The following SEMA6D variants were observed in gnomAD, a reference collection of about 807,000 sequenced individuals.
SEMA6D encodes semaphorin-6D.
Under a neutral mutation model 106.6 loss-of-function variants are expected in SEMA6D, and 35 were observed. The ratio of observed to expected loss-of-function variants is 0.33; its 90% CI spans 0.25 to 0.44. The LOEUF is 0.44. SEMA6D is among the 20% of genes least tolerant of loss of function. SEMA6D has a pLI of 1.00. For synonymous variants in SEMA6D, 499 were observed against 487.7 expected (o/e 1.02, Z -0.31); for missense variants, 1,185 against 1,345.9 (o/e 0.88, Z 1.87).
At chr15:47,368,350 A>G (rs970049540) in intron 1 of SEMA6D, among the ~76,000 whole-genome samples, 1 of 152,232 alleles carries the variant, frequency 6.6e-6, no homozygotes, top group African/African-American at 2.4e-5. Flanking sequence ...TAGGCAACAA[A>G]GTAGGTTTTC....
intron 1 of SEMA6D, among the ~76,000 whole-genome samples, chr15:47,747,296 CA>C (rs1349892398): frequency 6.6e-6 from 1 of 152,114 alleles, no homozygotes; most frequent in Non-Finnish European, 1.5e-5. Context: ...GTTCTGATCA[CA>C]GGTCAGATGC....
At chr15:47,357,403 A>G (rs1235292760) in intron 1 of SEMA6D, among the ~76,000 whole-genome samples, 1 of 152,146 alleles carries the variant, frequency 6.6e-6, no homozygotes, top group African/African-American at 2.4e-5. Context: ...ACTCCAAAAC[A>G]AAACAAAACA....
chr15:47,768,553 A>G (rs537561914), intron 17 of SEMA6D, 28 bp from the exon 18 acceptor site: 2 of 1,567,188 alleles, frequency 1.3e-6, no homozygotes, highest in East Asian at 2.3e-5. Context: ...CACTATCCAT[A>G]TTAATAAAAA....
chr15:47,300,289 A>T (rs1441044912), intron 1 of SEMA6D, among the ~76,000 whole-genome samples: 3 of 152,168 alleles, frequency 2.0e-5, no homozygotes, highest in African/African-American at 7.2e-5. Flanking sequence ...CTGTAGTGCC[A>T]AGTGAACCTG....
intron 4 of SEMA6D, among the ~76,000 whole-genome samples, chr15:47,675,793 A>C (rs186269375): frequency 1.3e-5 from 2 of 152,168 alleles, no homozygotes; most frequent in African/African-American, 4.8e-5. Context: ...TTCTGGGCTT[A>C]TTTGCCCTCA....
At chr15:47,296,490 A>G (rs1464092435) in intron 1 of SEMA6D, among the ~76,000 whole-genome samples, 2 of 152,258 alleles carry the variant, frequency 1.3e-5, no homozygotes, top group Non-Finnish European at 2.9e-5. Context: ...ACCAGCTGAC[A>G]TTTATACATT....
intron 1 of SEMA6D, among the ~76,000 whole-genome samples, chr15:47,227,208 A>T (rs1385438107): frequency 6.6e-6 from 1 of 152,072 alleles, no homozygotes; most frequent in Non-Finnish European, 1.5e-5. Context: ...AATATCAAGG[A>T]AACAGCTACA....
chr15:47,641,495 C>T (rs138698961), intron 4 of SEMA6D, among the ~76,000 whole-genome samples: 26 of 152,198 alleles, frequency 1.7e-4, no homozygotes, highest in African/African-American at 6.0e-4. Context: ...TAGGGAAGTA[C>T]CTGGAGTGAA....
At chr15:47,536,625 C>T (rs1322826668) in intron 3 of SEMA6D, among the ~76,000 whole-genome samples, 1 of 152,164 alleles carries the variant, frequency 6.6e-6, no homozygotes, top group South Asian at 2.1e-4. Flanking sequence ...TTATTGGTCT[C>T]ATGTTGTCTT....
At chr15:47,308,919 T>A (rs2036334335) in intron 1 of SEMA6D, among the ~76,000 whole-genome samples, 1 of 152,218 alleles carries the variant, frequency 6.6e-6, no homozygotes, top group South Asian at 2.1e-4. Context: ...TGTCAGTTAT[T>A]GATTTGGCAT....
At chr15:47,223,049 G>T (rs1234306363) in intron 1 of SEMA6D, among the ~76,000 whole-genome samples, 2 of 152,130 alleles carry the variant, frequency 1.3e-5, no homozygotes, top group East Asian at 3.9e-4. Flanking sequence ...CTTACTGACT[G>T]GGCCATGATC....
At chr15:47,488,095 G>A (rs184125301) in intron 3 of SEMA6D, among the ~76,000 whole-genome samples, 13 of 152,144 alleles carry the variant, frequency 8.5e-5, no homozygotes, top group African/African-American at 2.9e-4. Context: ...CTGTTCATCT[G>A]TTTGTACATT....
At chr15:47,211,904 C>T (rs931378654) in intron 1 of SEMA6D, among the ~76,000 whole-genome samples, 2 of 151,702 alleles carry the variant, frequency 1.3e-5, no homozygotes, top group African/African-American at 4.8e-5. Context: ...TATTTCCAAC[C>T]ACCGTGACAT....
intron 1 of SEMA6D, among the ~76,000 whole-genome samples, chr15:47,214,363 G>A (rs968269416): frequency 6.6e-6 from 1 of 152,112 alleles, no homozygotes; most frequent in Admixed American, 6.5e-5. Context: ...AGCACAGTCT[G>A]GAAGGCTTCA....
chr15:47,725,818 G>GCCAAGAATTGCTCCA (rs1555415753), intron 1 of SEMA6D, among the ~76,000 whole-genome samples: 1 of 80,262 alleles, frequency 1.2e-5, no homozygotes, highest in Non-Finnish European at 4.0e-5. Context: ...CAATTGCTTT[G>GCCAAGAATTGCTCCA]CCAAGAATTG....
At chr15:47,536,286 G>A in intron 3 of SEMA6D, among the ~76,000 whole-genome samples, 1 of 152,118 alleles carries the variant, frequency 6.6e-6, no homozygotes, top group East Asian at 1.9e-4. Flanking sequence ...ATTTTGTCGT[G>A]GATTTGAGGA....
intron 3 of SEMA6D, among the ~76,000 whole-genome samples, chr15:47,480,047 G>A (rs1416860347): frequency 6.7e-6 from 1 of 149,358 alleles, no homozygotes; most frequent in African/African-American, 2.5e-5. Flanking sequence ...TGGTAGATAT[G>A]GGGTCCCATT....
At chr15:47,528,179 A>G (rs565127407) in intron 3 of SEMA6D, among the ~76,000 whole-genome samples, 108 of 152,362 alleles carry the variant, frequency 7.1e-4, no homozygotes, top group African/African-American at 2.5e-3. Flanking sequence ...CTGAATAAGG[A>G]CAATGCTTCA....
chr15:47,405,207 AGT>A (rs1478300444), intron 1 of SEMA6D, among the ~76,000 whole-genome samples: 1 of 152,006 alleles, frequency 6.6e-6, no homozygotes, highest in Non-Finnish European at 1.5e-5. Flanking sequence ...TCCTGAGTGG[AGT>A]GTGTTAGTAG....
Sources: allele counts gnomAD v4.1 joint callset (sites outside exome capture counted in the v4.1 genomes callset), GRCh38; gene constraint gnomAD v4.1.1; transcripts MANE v1.5; gene names NCBI Gene and HGNC (gene_info 2026-07-23, HGNC 2026-07-21).